The following GRIN2B variants were observed in gnomAD, a reference collection of about 807,000 sequenced individuals.
GRIN2B encodes glutamate receptor ionotropic, NMDA 2B.
GRIN2B carries 5 observed loss-of-function variants against 114.5 expected under a neutral mutation model. That is an observed-to-expected ratio of 0.04 (90% CI 0.02 to 0.09). GRIN2B has a LOEUF of 0.09. Among genes scored for constraint, GRIN2B ranks in the 10% least tolerant of loss-of-function variants. GRIN2B has a pLI of 1.00. For missense variants in GRIN2B, 1,108 were observed against 1,943.5 expected, an observed-to-expected ratio of 0.57 and a Z score of 8.08; for synonymous variants, 787 against 745.1, an observed-to-expected ratio of 1.06 and a Z score of -0.92.
chr12:13,972,167 A>G (rs767785702), intron 2 of GRIN2B, among the ~76,000 whole-genome samples: 2 of 152,184 alleles, frequency 1.3e-5, no homozygotes, highest in African/African-American at 2.4e-5. Context: ...AGAGATTTCA[A>G]TTTAACTCTT....
At chr12:13,900,786 T>C (rs1228166551) in intron 2 of GRIN2B, among the ~76,000 whole-genome samples, 3 of 152,212 alleles carry the variant, frequency 2.0e-5, no homozygotes, top group Non-Finnish European at 4.4e-5. Flanking sequence ...AATCATACCA[T>C]ATGTATTATT....
At chr12:13,758,562 A>G (rs1282728070) in intron 3 of GRIN2B, among the ~76,000 whole-genome samples, 4 of 152,226 alleles carry the variant, frequency 2.6e-5, no homozygotes, top group Non-Finnish European at 5.9e-5. Context: ...CTTAAAATGG[A>G]ATGGGTCTCC....
Position 13,541,051 on chromosome 12 carries a change from C to A in GRIN2B, c.*21732G>T, listed in dbSNP as rs948407213. 3.9e-5 allele frequency: 6 copies of A among 152,408 alleles called. No homozygotes were observed. The highest frequency in any genetic ancestry group is 3.4e-3 in the Middle Eastern group (1 of 294). 9.4% of individuals were successfully genotyped at this position (152,408 alleles called of 1,614,324 possible). On this transcript the variant is annotated 3_prime_UTR_variant, in exon 14 of 14. Transcript: ENST00000609686. ...ACGCTCACACACATGTGCACAGGCACACACACGCATCAGTCATTGTGGCTA... is the reference window on the plus strand; with the variant it reads ...ACGCTCACACACATGTGCACAGGCAAACACACGCATCAGTCATTGTGGCTA...
At chr12:13,763,479 C>T (rs747498323) in intron 3 of GRIN2B, among the ~76,000 whole-genome samples, 28 of 152,210 alleles carry the variant, frequency 1.8e-4, no homozygotes, top group Non-Finnish European at 3.5e-4. Flanking sequence ...CTACATTGGA[C>T]GGTCCATGAG....
chr12:13,681,054 T>A (rs927559270), intron 4 of GRIN2B, among the ~76,000 whole-genome samples: 1 of 152,112 alleles, frequency 6.6e-6, no homozygotes, highest in African/African-American at 2.4e-5. Flanking sequence ...GCTCATCTAC[T>A]GCACCACGTT....
intron 3 of GRIN2B, among the ~76,000 whole-genome samples, chr12:13,860,560 G>A (rs1865736065): frequency 6.6e-6 from 1 of 152,022 alleles, no homozygotes; most frequent in Non-Finnish European, 1.5e-5. Context: ...CCTTACTTAG[G>A]GTGATCTGCC....
intron 2 of GRIN2B, among the ~76,000 whole-genome samples, chr12:13,867,343 G>GAATAT (rs1340070611): frequency 6.6e-6 from 1 of 152,054 alleles, no homozygotes; most frequent in Admixed American, 6.6e-5. Flanking sequence ...ATGCTCTATA[G>GAATAT]AATATAAGCC....
At chr12:13,887,851 A>C (rs142009119) in intron 2 of GRIN2B, among the ~76,000 whole-genome samples, 2 of 152,320 alleles carry the variant, frequency 1.3e-5, no homozygotes, top group African/African-American at 4.8e-5. Flanking sequence ...TTACATTTAC[A>C]TAGTGCTTGC....
intron 2 of GRIN2B, among the ~76,000 whole-genome samples, chr12:13,905,857 C>G (rs1225585828): frequency 6.6e-6 from 1 of 152,136 alleles, no homozygotes; most frequent in African/African-American, 2.4e-5. Flanking sequence ...TCCCCAGCCC[C>G]GTTCTGCTCA....
intron 2 of GRIN2B, among the ~76,000 whole-genome samples, chr12:13,890,265 C>A (rs1591605464): frequency 6.6e-6 from 1 of 152,210 alleles, no homozygotes; most frequent in Non-Finnish European, 1.5e-5. Context: ...CCCTATCTCT[C>A]TGTTCTTTTT....
At chr12:13,846,202 T>C (rs1158825266) in intron 3 of GRIN2B, among the ~76,000 whole-genome samples, 2 of 151,854 alleles carry the variant, frequency 1.3e-5, no homozygotes, top group Admixed American at 6.6e-5. Context: ...TAGTTTAGTT[T>C]AGGCTCTTTC....
intron 8 of GRIN2B, among the ~76,000 whole-genome samples, chr12:13,612,373 C>G (rs74067231): frequency 1.3e-5 from 2 of 152,298 alleles, no homozygotes; most frequent in African/African-American, 4.8e-5. Context: ...CCCCTTGTAT[C>G]ATTTCTCTTA....
chr12:13,853,237 C>T (rs1020104403), intron 3 of GRIN2B, among the ~76,000 whole-genome samples: 36 of 152,324 alleles, frequency 2.4e-4, no homozygotes, highest in African/African-American at 8.4e-4. Flanking sequence ...TCAGTCAATG[C>T]TCCATGAGGA....
At chr12:13,807,253 G>A (rs562817213) in intron 3 of GRIN2B, among the ~76,000 whole-genome samples, 2 of 152,168 alleles carry the variant, frequency 1.3e-5, no homozygotes, top group Non-Finnish European at 2.9e-5. Flanking sequence ...ACGGCTGTAT[G>A]AGTCTAAGTG....
Position 13,542,518 on chromosome 12 carries a change from A to C in GRIN2B, c.*20265T>G, listed in dbSNP as rs925134921. ...ATATCAGGACTGAGGAAGAGGTACC[A>C]GAGTTCCATGTGCTGCCATCAAGTC... is the stretch of plus-strand genomic sequence containing the variant. On this transcript the variant is annotated 3_prime_UTR_variant, in exon 14 of 14. Transcript: ENST00000609686. 3 of 152,184 alleles carry C rather than the reference A, an allele frequency of 2.0e-5. No individual in the cohort carries two copies. The highest frequency in any genetic ancestry group is 2.9e-5 in the Non-Finnish European group (2 of 68,042). 9.4% of individuals were successfully genotyped at this position (152,184 alleles called of 1,614,324 possible).
chr12:13,734,229 T>C (rs1390745017), intron 4 of GRIN2B, among the ~76,000 whole-genome samples: 1 of 152,174 alleles, frequency 6.6e-6, no homozygotes, highest in Non-Finnish European at 1.5e-5. Context: ...ATATTCAAGA[T>C]ATGGGAAATA....
intron 3 of GRIN2B, among the ~76,000 whole-genome samples, chr12:13,776,888 TC>T (rs1223657347): frequency 2.6e-5 from 4 of 152,204 alleles, no homozygotes; most frequent in Non-Finnish European, 5.9e-5. Flanking sequence ...TTATAGCCTT[TC>T]ATTTCCTACC....
chr12:13,822,815 C>T (rs1365833905), intron 3 of GRIN2B, among the ~76,000 whole-genome samples: 3 of 152,042 alleles, frequency 2.0e-5, no homozygotes, highest in East Asian at 1.9e-4. Flanking sequence ...TGATGACTGG[C>T]GTTCCAATCT....
At chr12:13,952,614 T>C (rs994415382) in intron 2 of GRIN2B, among the ~76,000 whole-genome samples, 1 of 152,156 alleles carries the variant, frequency 6.6e-6, no homozygotes, top group African/African-American at 2.4e-5. Context: ...TTTTCATAGA[T>C]TGTTGAAAAC....
Sources: allele counts gnomAD v4.1 joint callset (sites outside exome capture counted in the v4.1 genomes callset), GRCh38; gene constraint gnomAD v4.1.1; transcripts MANE v1.5; gene names NCBI Gene and HGNC (gene_info 2026-07-23, HGNC 2026-07-21).